Variants in SEMA5A observed in about 807,000 individuals in gnomAD.
The protein encoded by SEMA5A is semaphorin 5A.
Under a neutral mutation model 135.5 loss-of-function variants are expected in SEMA5A, and 55 were observed. The observed-to-expected ratio is 0.41, with a 90% confidence interval of 0.33 to 0.51. The LOEUF is 0.51. SEMA5A is among the 20% of genes least tolerant of loss of function. The pLI is 0.37. For synonymous variants in SEMA5A, 580 were observed against 546.5 expected (o/e 1.06, Z -0.85); for missense variants, 1,290 against 1,419.9 (o/e 0.91, Z 1.47).
intron 2 of SEMA5A, among the ~76,000 whole-genome samples, chr5:9,388,498 T>TA (rs1755997452): frequency 6.7e-6 from 1 of 148,216 alleles, no homozygotes; most frequent in Non-Finnish European, 1.5e-5. Context: ...AAGAAAAAAG[T>TA]ACTTAAATAA....
At chr5:9,327,397 A>G (rs73050506) in intron 4 of SEMA5A, among the ~76,000 whole-genome samples, 21,688 of 152,140 alleles carry the variant, frequency 0.14, 1,635 homozygotes, top group South Asian at 0.19. Flanking sequence ...TCCCAGAATC[A>G]TATTAACTTC....
intron 16 of SEMA5A, among the ~76,000 whole-genome samples, chr5:9,087,960 A>T (rs1176710889): frequency 6.6e-6 from 1 of 152,236 alleles, no homozygotes; most frequent in Non-Finnish European, 1.5e-5. Context: ...ATAATTCAAT[A>T]AGGTGTTTCA....
rs369489627 is a variant in SEMA5A, at chr5:9,540,734, G to C, written c.-175+4850C>G. ...GGATGCCCAACCATAAATGTCCCTG[G>C]CCTCCGAAGCGTTCTCTTTCCACAG... On this transcript the variant is annotated intron_variant, in intron 1 of 22. Coordinates refer to ENST00000382496, the MANE Select transcript of SEMA5A (RefSeq NM_003966.3). Among the ~76,000 whole-genome samples the C allele has an allele frequency of 2.4e-4, 36 of 152,266 alleles. No individual in the cohort carries two copies. The East Asian group carries it at 4.2e-3, about 18-fold the overall frequency.
intron 5 of SEMA5A, among the ~76,000 whole-genome samples, chr5:9,306,116 C>T (rs113144613): frequency 7.9e-5 from 12 of 152,346 alleles, no homozygotes; most frequent in African/African-American, 2.4e-4. Context: ...CTGACTATAA[C>T]GTGCTGGTGT....
At chr5:9,223,616 A>G (rs1468302388) in intron 8 of SEMA5A, among the ~76,000 whole-genome samples, 1 of 152,066 alleles carries the variant, frequency 6.6e-6, no homozygotes, top group East Asian at 1.9e-4. Flanking sequence ...AGGTTGAGAA[A>G]CTCTGGTCTA....
At chr5:9,506,732 T>C (rs1377603562) in intron 1 of SEMA5A, among the ~76,000 whole-genome samples, 1 of 152,164 alleles carries the variant, frequency 6.6e-6, no homozygotes, top group Non-Finnish European at 1.5e-5. Flanking sequence ...CCAAGGCCAA[T>C]AGGGAGCTTC....
At position 9,286,703 on chromosome 5, in the gene SEMA5A, C is replaced by T. The variant is rs562794469; in HGVS notation, c.270+31669G>A. Among the ~76,000 whole-genome samples the T allele has an allele frequency of 2.0e-4, 26 of 132,180 alleles. No homozygotes were observed. In the South Asian group the frequency reaches 7.6e-3, roughly 39 times the overall value. The allele number at this position is 132,180 out of a possible 152,430, so 86.7% of individuals were successfully genotyped here. ...TCATATTTTCATAATCTCTCTCTCC[C>T]TTACACACACTTATACACACATACA... On this transcript the variant is annotated intron_variant, in intron 5 of 22. Coordinates refer to ENST00000382496, the MANE Select transcript of SEMA5A (RefSeq NM_003966.3).
At chr5:9,476,308 C>G (rs1436374947) in intron 1 of SEMA5A, among the ~76,000 whole-genome samples, 1 of 152,044 alleles carries the variant, frequency 6.6e-6, no homozygotes, top group African/African-American at 2.4e-5. Context: ...TCCTAAAGCA[C>G]CAAACAGCTA....
rs1311958346 is a variant in SEMA5A, at chr5:9,204,928, GA to G, written c.647-2689del. On this transcript the variant is annotated intron_variant, in intron 8 of 22. Coordinates refer to ENST00000382496, the MANE Select transcript of SEMA5A (RefSeq NM_003966.3). The surrounding 1 kb of genome is among the most constrained non-coding windows in gnomAD (Gnocchi z 6.4). The stretch of plus-strand genomic sequence containing the variant: ...GATCTAAGTTGTACACATCTTATGA[GA>G]ATCTAATGCCTGATGATCTGAGGCA... 4.6e-5 allele frequency among the ~76,000 whole-genome samples: 7 copies of G among 152,172 alleles called. No homozygotes were observed. Among genetic ancestry groups the G allele is most frequent in the Admixed American group, 4.6e-4 (7 of 15,284 alleles).
intron 5 of SEMA5A, among the ~76,000 whole-genome samples, chr5:9,292,785 C>T (rs956870423): frequency 5.4e-4 from 82 of 152,078 alleles, no homozygotes; most frequent in Non-Finnish European, 7.4e-5. Flanking sequence ...CAACCAGGTG[C>T]GATTTTGCAC....
In SEMA5A at chr5:9,040,029, C is replaced by CTG. The variant is rs1735876404; in HGVS notation, c.*2867_*2868insCA. 17 of 152,076 alleles carry CTG rather than the reference C, an allele frequency of 1.1e-4. No homozygotes were observed. Among genetic ancestry groups the CTG allele is most frequent in the Admixed American group, 1.0e-3 (16 of 15,270 alleles). The allele number at this position is 152,076 out of a possible 1,614,324, so 9.4% of individuals were successfully genotyped here. ...CTTCCTCATGAAAACCAGCCTATCT[C>CTG]CAACTGTATTCAGAAATAATTTTAG... On this transcript the variant is annotated 3_prime_UTR_variant, in exon 23 of 23. Transcript: ENST00000382496.
chr5:9,290,075 T>A (rs1444868335), intron 5 of SEMA5A, among the ~76,000 whole-genome samples: 2 of 152,172 alleles, frequency 1.3e-5, no homozygotes, highest in Admixed American at 6.5e-5. Flanking sequence ...TTCAATAGGT[T>A]TTTTGGAAAC....
intron 1 of SEMA5A, among the ~76,000 whole-genome samples, chr5:9,537,671 AGT>A (rs1737843620): frequency 6.6e-6 from 1 of 152,238 alleles, no homozygotes; most frequent in African/African-American, 2.4e-5. Context: ...GCAAGTTCAA[AGT>A]GAGCTGGTCA....
intron 2 of SEMA5A, among the ~76,000 whole-genome samples, chr5:9,400,501 A>ATTT (rs1215358817): frequency 0.017 from 1,518 of 86,830 alleles, 189 homozygotes; most frequent in Admixed American, 0.044. Flanking sequence ...CACAATGTAC[A>ATTT]TTTTTTTTTT....
At chr5:9,265,524 C>T (rs78970711) in intron 5 of SEMA5A, 1 of 456,380 alleles carries the variant, frequency 2.2e-6, no homozygotes, top group Non-Finnish European at 4.4e-6. Flanking sequence ...GTGGTGTGTG[C>T]GGTCCTCCTG....
chr5:9,217,084 C>T (rs956168304), intron 8 of SEMA5A, among the ~76,000 whole-genome samples: 4 of 152,060 alleles, frequency 2.6e-5, no homozygotes, highest in African/African-American at 7.2e-5. Context: ...ACACTGGCTG[C>T]GTGTTTAAGG....
intron 4 of SEMA5A, among the ~76,000 whole-genome samples, chr5:9,324,386 G>A (rs1265579218): frequency 2.0e-5 from 3 of 152,290 alleles, no homozygotes; most frequent in South Asian, 2.1e-4. Flanking sequence ...ATTTTAAAAG[G>A]TGAACCATAA....
At chr5:9,377,261 A>ATG (rs1256678979) in intron 3 of SEMA5A, among the ~76,000 whole-genome samples, 2 of 152,168 alleles carry the variant, frequency 1.3e-5, no homozygotes, top group East Asian at 3.8e-4. Flanking sequence ...ATATATTTGT[A>ATG]TGTGTGTGTG....
chr5:9,333,866 T>C (rs1753265691), intron 4 of SEMA5A, among the ~76,000 whole-genome samples: 1 of 152,254 alleles, frequency 6.6e-6, no homozygotes, highest in South Asian at 2.1e-4. Context: ...TAAATGAAGA[T>C]ACCTAAGTTT....
Sources: gnomAD v4.1 joint callset for allele counts (sites outside exome capture counted in the v4.1 genomes callset) on GRCh38, gnomAD v4.1.1 for gene constraint, Gnocchi (gnomAD v3.1) non-coding constraint, MANE v1.5 for transcripts, NCBI Gene and HGNC (gene_info 2026-07-23, HGNC 2026-07-21) for gene names.